UBA5: variants seen among roughly 807,000 people sequenced by gnomAD.
UBA5 encodes ubiquitin like modifier activating enzyme 5, also known as ubiquitin-like modifier-activating enzyme 5.
A neutral mutation model predicts 52.9 loss-of-function variants in UBA5; 28 were observed. The observed-to-expected ratio is 0.53, with a 90% CI of 0.39 to 0.73. UBA5 has a LOEUF of 0.73. Ranked by LOEUF, UBA5 falls within the 30% of genes least tolerant of loss-of-function variation. The pLI is 0.00. For synonymous variants in UBA5, 135 were observed against 162.1 expected, an observed-to-expected ratio of 0.83 and a Z score of 1.27; for missense variants, 388 against 492.7, an observed-to-expected ratio of 0.79 and a Z score of 2.01.
At chr3:132,668,970 A>G (rs1434006339) in intron 4 of UBA5, 43 bp downstream of exon 4, 2 of 1,307,396 alleles carry the variant, frequency 1.5e-6, no homozygotes, top group Non-Finnish European at 2.1e-6. Context: ...GTGAAATCTT[A>G]CTTTATGTAT....
At chr3:132,662,557 A>G (rs1429456358) in intron 1 of UBA5, among the ~76,000 whole-genome samples, 1 of 152,264 alleles carries the variant, frequency 6.6e-6, no homozygotes, top group Non-Finnish European at 1.5e-5. Context: ...ACAAAAGGTT[A>G]TAGGAAAGGG....
intron 4 of UBA5, among the ~76,000 whole-genome samples, chr3:132,669,491 C>T (rs1938514095): frequency 6.6e-6 from 1 of 152,132 alleles, no homozygotes; most frequent in South Asian, 2.1e-4. Context: ...TGGTCTCAAA[C>T]TCTTGGGACT....
In UBA5 at chr3:132,675,999, C is replaced by A. The variant is rs545836075; in HGVS notation, c.1131+76C>A. Reference sequence around the variant, plus strand: ...ATCATCTTCATTCTAATTTGTAATGCCAATGAAGTATTTCCTGTTTTAGAT... The same window carrying A: ...ATCATCTTCATTCTAATTTGTAATGACAATGAAGTATTTCCTGTTTTAGAT... On this transcript the variant is annotated intron_variant, in intron 11 of 11. Transcript: ENST00000356232. 81 of 973,948 alleles carry A rather than the reference C, an allele frequency of 8.3e-5. No individual in the cohort carries two copies. The African/African-American group carries it at 1.2e-3, about 15-fold the overall frequency. 60.3% of individuals were successfully genotyped at this position (973,948 alleles called of 1,614,324 possible).
chr3:132,663,067 AC>A (rs1057193608), intron 1 of UBA5, among the ~76,000 whole-genome samples: 29 of 152,296 alleles, frequency 1.9e-4, no homozygotes, highest in African/African-American at 5.1e-4. Context: ...GGGTCCCTGT[AC>A]TTGATTATAG....
chr3:132,670,090 T>C, intron 4 of UBA5, 108 bp from the exon 5 acceptor site: 1 of 627,816 alleles, frequency 1.6e-6, no homozygotes, highest in South Asian at 1.9e-5. Context: ...GTGGGTGCGA[T>C]GATAGCTCGC....
Position 132,679,423 on chromosome 3 carries a change from A to G in UBA5, c.*2897A>G, listed in dbSNP as rs1449876807. ...CTATTTGAGAACTTCAAATATGCAT[A>G]CACAAAGATGTTCCAGCTATTTTTA... On this transcript the variant is annotated 3_prime_UTR_variant, in exon 12 of 12. Coordinates refer to ENST00000356232, the MANE Select transcript of UBA5 (RefSeq NM_024818.6). Among the ~76,000 whole-genome samples the G allele has an allele frequency of 1.3e-5, 2 of 152,234 alleles. No individual in the cohort carries two copies. The highest frequency in any genetic ancestry group is 2.9e-5 in the Non-Finnish European group (2 of 68,032).
intron 8 of UBA5, among the ~76,000 whole-genome samples, chr3:132,674,417 G>C (rs183308988): frequency 6.6e-6 from 1 of 152,232 alleles, no homozygotes; most frequent in Non-Finnish European, 1.5e-5. Context: ...GCCGGGTGCA[G>C]TGGCTCACGC....
At chr3:132,659,397 C>G (rs1938001723), upstream of UBA5, 4 of 605,610 alleles carry the variant, frequency 6.6e-6, no homozygotes, top group Non-Finnish European at 8.3e-6. Context: ...AACGTTATTG[C>G]GCTTCCATTA....
chr3:132,678,700 A>C lies in UBA5; in HGVS notation c.*2174A>C, dbSNP rs1938931573. ...AGTCTCACTCTGTTGCCCAGGCTGG[A>C]GTGCAGTGGCACGATCTCAGCTCAC... On this transcript the variant is annotated 3_prime_UTR_variant, in exon 12 of 12. Transcript: ENST00000356232. 6.6e-6 allele frequency among the ~76,000 whole-genome samples: 1 copy of C among 152,050 alleles called. No individual in the cohort carries two copies. The highest frequency in any genetic ancestry group is 2.4e-5 in the African/African-American group (1 of 41,404).
chr3:132,659,841 T>A (rs552170055), upstream of UBA5: 3 of 1,455,324 alleles, frequency 2.1e-6, no homozygotes, highest in Non-Finnish European at 2.7e-6. Context: ...CTCTAGAGCA[T>A]GGGCCGAGGC....
chr3:132,671,708 A>G (rs1355840364), intron 6 of UBA5, 69 bp from the exon 7 acceptor site: 2 of 1,284,282 alleles, frequency 1.6e-6, no homozygotes, highest in Non-Finnish European at 2.2e-6. Flanking sequence ...TTCAGTTAAA[A>G]GAATTTATTG....
intron 1 of UBA5, among the ~76,000 whole-genome samples, chr3:132,663,870 G>A (rs2107928414): frequency 6.6e-6 from 1 of 152,206 alleles, no homozygotes; most frequent in Non-Finnish European, 1.5e-5. Flanking sequence ...AAATGATACA[G>A]GAACAAGGTG....
chr3:132,674,564 T>C (rs1938750176), intron 8 of UBA5, among the ~76,000 whole-genome samples: 1 of 152,044 alleles, frequency 6.6e-6, no homozygotes, highest in African/African-American at 2.4e-5. Flanking sequence ...TGGTGGTGCT[T>C]GCCTGTAGTC....
intron 1 of UBA5, among the ~76,000 whole-genome samples, chr3:132,665,299 G>A (rs1223552312): frequency 6.6e-6 from 1 of 152,054 alleles, no homozygotes; most frequent in Non-Finnish European, 1.5e-5. Flanking sequence ...AAGTGAAGAT[G>A]AATGGGAATT....
chr3:132,655,426 C>T (rs1937734704), upstream of UBA5, among the ~76,000 whole-genome samples: 1 of 152,192 alleles, frequency 6.6e-6, no homozygotes, highest in South Asian at 2.1e-4. Flanking sequence ...TATTGCCTGA[C>T]AGGGTCCCTG....
chr3:132,671,964 G>A, intron 7 of UBA5, 83 bp downstream of exon 7: 1 of 1,600,016 alleles, frequency 6.2e-7, no homozygotes, highest in Non-Finnish European at 8.5e-7. Context: ...ACAATTCAAA[G>A]AAAAAGCAAA....
At position 132,679,514 on chromosome 3, in the gene UBA5, A is replaced by AAT. The variant is rs199832582; in HGVS notation, c.*2990_*2991dup. On this transcript the variant is annotated 3_prime_UTR_variant, in exon 12 of 12. Coordinates refer to ENST00000356232, the MANE Select transcript of UBA5 (RefSeq NM_024818.6). ...GTAGTAAAATAAATAGTAATATCAA[A>AAT]ATAGTTTATTATGTTTAAATTTCAT... Among the ~76,000 whole-genome samples, 183 of 152,298 alleles carry AAT rather than the reference A, an allele frequency of 1.2e-3. 1 individual carries two copies. The highest frequency in any genetic ancestry group is 3.8e-3 in the African/African-American group (157 of 41,574).
chr3:132,663,529 G>T (rs1463971511), intron 1 of UBA5, among the ~76,000 whole-genome samples: 2 of 152,114 alleles, frequency 1.3e-5, no homozygotes, highest in African/African-American at 4.8e-5. Context: ...AGCTGATCGT[G>T]GGGTTGGAAC....
intron 8 of UBA5, 28 bp downstream of exon 8, chr3:132,672,205 G>C: frequency 6.2e-7 from 1 of 1,601,618 alleles, no homozygotes; most frequent in Non-Finnish European, 8.5e-7. Flanking sequence ...TTTCTGAATA[G>C]TCTTGTATGC....
Sources: gnomAD v4.1 joint callset for allele counts (sites outside exome capture counted in the v4.1 genomes callset) on GRCh38, gnomAD v4.1.1 for gene constraint, MANE v1.5 for transcripts, NCBI Gene and HGNC (gene_info 2026-07-23, HGNC 2026-07-21) for gene names.